The following RALYL variants were observed in gnomAD, a reference collection of about 807,000 sequenced individuals.
RALYL encodes RALY RNA binding protein like, also known as RNA-binding Raly-like protein.
RALYL carries 29 observed loss-of-function variants against 35.1 expected under a neutral mutation model. The ratio of observed to expected loss-of-function variants is 0.83; its 90% CI spans 0.61 to 1.13. The LOEUF (loss-of-function observed/expected upper bound fraction) is 1.13, where lower values mean the gene tolerates loss of function less well. RALYL is among the 50% of genes most tolerant of loss of function. RALYL has a pLI of 0.00. For synonymous variants in RALYL, 120 were observed against 127.6 expected (o/e 0.94, Z 0.40); for missense variants, 359 against 360.4 (o/e 1.00, Z 0.03).
chr8:84,395,976 T>C (rs190176835), intron 1 of RALYL, among the ~76,000 whole-genome samples: 209 of 152,034 alleles, frequency 1.4e-3, no homozygotes, highest in African/African-American at 4.5e-3. Flanking sequence ...GTTTTGCTAA[T>C]AGTTTTGGAA....
chr8:84,774,685 T>C (rs1230392703), intron 3 of RALYL, 31 bp downstream of exon 3: 10 of 1,460,966 alleles, frequency 6.8e-6, no homozygotes, highest in Non-Finnish European at 8.5e-6. Flanking sequence ...TTACTCTATA[T>C]ATTAGTGAAA....
intron 2 of RALYL, among the ~76,000 whole-genome samples, chr8:84,683,539 A>C (rs971313711): frequency 6.6e-6 from 1 of 152,214 alleles, no homozygotes; most frequent in South Asian, 2.1e-4. Flanking sequence ...TATTGGGTGC[A>C]TATAAGATTC....
intron 8 of RALYL, among the ~76,000 whole-genome samples, chr8:84,900,514 G>A (rs1845490053): frequency 6.6e-6 from 1 of 151,818 alleles, no homozygotes; most frequent in African/African-American, 2.4e-5. Flanking sequence ...CTGTCTCTAT[G>A]AAAAATAGAA....
chr8:84,655,338 TG>T (rs1326613453), intron 2 of RALYL, among the ~76,000 whole-genome samples: 1 of 152,046 alleles, frequency 6.6e-6, no homozygotes, highest in Non-Finnish European at 1.5e-5. Flanking sequence ...TTTTTGTTGT[TG>T]TTTTTTTGAG....
intron 8 of RALYL, among the ~76,000 whole-genome samples, chr8:84,918,864 C>T (rs1186896921): frequency 1.3e-5 from 2 of 151,992 alleles, no homozygotes; most frequent in East Asian, 1.9e-4. Context: ...AGAAGGAAGA[C>T]TTCAATAAAT....
chr8:84,892,857 T>C (rs1012545420), intron 8 of RALYL, among the ~76,000 whole-genome samples: 52 of 152,202 alleles, frequency 3.4e-4, no homozygotes, highest in African/African-American at 1.3e-3. Context: ...CAGTAGTGCA[T>C]AGAAGTCAAA....
At chr8:84,551,783 T>C (rs1225362029) in intron 2 of RALYL, among the ~76,000 whole-genome samples, 1 of 152,160 alleles carries the variant, frequency 6.6e-6, no homozygotes, top group Non-Finnish European at 1.5e-5. Context: ...GGCTGGTGCA[T>C]GGTGCTGAAT....
chr8:84,891,950 T>C (rs779491661), intron 8 of RALYL, among the ~76,000 whole-genome samples: 6 of 152,230 alleles, frequency 3.9e-5, no homozygotes, highest in Non-Finnish European at 7.3e-5. Context: ...CCCATTTGGC[T>C]GCTCAAGGCA....
intron 2 of RALYL, among the ~76,000 whole-genome samples, chr8:84,668,641 T>A (rs999545025): frequency 6.6e-6 from 1 of 152,110 alleles, no homozygotes; most frequent in African/African-American, 2.4e-5. Flanking sequence ...TAGAGAGGCA[T>A]ATATTATGAG....
intron 4 of RALYL, among the ~76,000 whole-genome samples, chr8:84,825,831 G>A (rs1385534977): frequency 6.6e-6 from 1 of 152,058 alleles, no homozygotes; most frequent in African/African-American, 2.4e-5. Context: ...TTGTGCCACT[G>A]CACTCAGCCT....
chr8:84,904,860 G>A (rs184245133), intron 8 of RALYL, among the ~76,000 whole-genome samples: 1 of 151,980 alleles, frequency 6.6e-6, no homozygotes, highest in East Asian at 1.9e-4. Flanking sequence ...TGGCATGTTA[G>A]GTGCATATTC....
At chr8:84,547,915 A>T (rs2060472150) in intron 2 of RALYL, among the ~76,000 whole-genome samples, 1 of 152,206 alleles carries the variant, frequency 6.6e-6, no homozygotes, top group Non-Finnish European at 1.5e-5. Context: ...AGAAAGGCTA[A>T]TGGGAATAAT....
chr8:84,850,675 C>A (rs568840146), intron 5 of RALYL, among the ~76,000 whole-genome samples: 1 of 152,240 alleles, frequency 6.6e-6, no homozygotes, highest in Admixed American at 6.5e-5. Context: ...TGTTTTAGTT[C>A]TTTGTAAAGA....
rs2045218298 is a variant in RALYL, at chr8:84,419,597, C to T, written c.-23-109702C>T. Among the ~76,000 whole-genome samples, 3 of 150,928 alleles carry T rather than the reference C, an allele frequency of 2.0e-5. No individual in the cohort carries two copies. In the South Asian group the frequency reaches 6.3e-4, roughly 32 times the overall value. On this transcript the variant is annotated intron_variant, in intron 1 of 8. Coordinates refer to ENST00000521268, the MANE Select transcript of RALYL (RefSeq NM_173848.7). ...TTTTAGGGTACATGTGCACATTGTG[C>T]AGGTTAGTTACATATGTATACATGT...
intron 1 of RALYL, among the ~76,000 whole-genome samples, chr8:84,344,524 G>A (rs79540964): frequency 6.6e-6 from 1 of 152,034 alleles, no homozygotes; most frequent in East Asian, 1.9e-4. Context: ...TATTCTGGGG[G>A]TGTGTTTGTT....
intron 2 of RALYL, among the ~76,000 whole-genome samples, chr8:84,751,506 C>T (rs1251673738): frequency 6.6e-6 from 1 of 152,030 alleles, no homozygotes; most frequent in African/African-American, 2.4e-5. Flanking sequence ...CCACGCCTGG[C>T]CTGGTTTATG....
At chr8:84,835,502 T>TAAAAAAAAAA (rs35745516) in intron 4 of RALYL, among the ~76,000 whole-genome samples, 5 of 96,318 alleles carry the variant, frequency 5.2e-5, no homozygotes, top group East Asian at 2.9e-4. Flanking sequence ...CTGTCTCTAC[T>TAAAAAAAAAA]AAAAAAAAAA....
At position 84,479,533 on chromosome 8, in the gene RALYL, T is replaced by C. The variant is rs184554282; in HGVS notation, c.-23-49766T>C. On this transcript the variant is annotated intron_variant, in intron 1 of 8. Transcript: ENST00000521268. ...CCCTGAGAAACAAGTTCAGTTATTTTCAAATCATTTTATTTCCTAACTTTA... is the reference window on the plus strand; with the variant it reads ...CCCTGAGAAACAAGTTCAGTTATTTCCAAATCATTTTATTTCCTAACTTTA... Among the ~76,000 whole-genome samples the C allele has an allele frequency of 1.1e-4, 16 of 152,304 alleles. No homozygotes were observed. In the East Asian group the frequency reaches 2.5e-3, roughly 24 times the overall value.
chr8:84,424,086 A>G (rs1017884652), intron 1 of RALYL, among the ~76,000 whole-genome samples: 7 of 151,874 alleles, frequency 4.6e-5, no homozygotes, highest in African/African-American at 1.7e-4. Context: ...CCTGAATCTG[A>G]ACATTGGCCT....
Sources: allele counts gnomAD v4.1 joint callset (sites outside exome capture counted in the v4.1 genomes callset), GRCh38; gene constraint gnomAD v4.1.1; transcripts MANE v1.5; gene names NCBI Gene and HGNC (gene_info 2026-07-23, HGNC 2026-07-21).